Variants in GALNT17 observed in about 807,000 individuals in gnomAD.
GALNT17 encodes the protein UDP-GalNAc:polypeptide N-acetylgalactosaminyltransferase-like 3.
In GALNT17, 29 loss-of-function variants were observed where a neutral mutation model predicts 63.7. The observed-to-expected ratio is 0.46, with a 90% CI of 0.34 to 0.62. The LOEUF is 0.62. Ranked by LOEUF, GALNT17 falls within the 20% of genes least tolerant of loss-of-function variation. The probability of loss-of-function intolerance (pLI) is 0.01; values close to 1 mark genes in which losing one functional copy is unlikely to be tolerated. For missense variants in GALNT17, 603 were observed against 799.6 expected, an observed-to-expected ratio of 0.75 and a Z score of 2.97; for synonymous variants, 305 against 318.3, an observed-to-expected ratio of 0.96 and a Z score of 0.45.
intron 6 of GALNT17, among the ~76,000 whole-genome samples, chr7:71,616,944 TTAA>T (rs1000733389): frequency 3.9e-4 from 2 of 5,128 alleles, no homozygotes; most frequent in Non-Finnish European, 2.8e-3. Flanking sequence ...TATCATATGG[TTAA>T]TAATTAACTA....
chr7:71,304,706 G>A (rs9638618), intron 1 of GALNT17, among the ~76,000 whole-genome samples: 103,226 of 151,986 alleles, frequency 0.68, 35,259 homozygotes, highest in Middle Eastern at 0.74. Context: ...GGTCTGCTAA[G>A]TGAGAACCCA....
intron 10 of GALNT17, among the ~76,000 whole-genome samples, 169 bp from the exon 11 acceptor site, chr7:71,711,849 C>G (rs1390928783): frequency 6.6e-6 from 1 of 151,304 alleles, no homozygotes; most frequent in East Asian, 1.9e-4. Context: ...TCTCTCTCCT[C>G]TTTCTGTCTT....
At chr7:71,616,324 T>C (rs569281278) in intron 6 of GALNT17, among the ~76,000 whole-genome samples, 1 of 152,148 alleles carries the variant, frequency 6.6e-6, no homozygotes, top group Admixed American at 6.6e-5. Context: ...GCTTCTCTTG[T>C]CCTCACTCGC....
chr7:71,398,985 C>G (rs1223286555), intron 3 of GALNT17, among the ~76,000 whole-genome samples: 1 of 151,998 alleles, frequency 6.6e-6, no homozygotes, highest in African/African-American at 2.4e-5. Context: ...GTAATCCCAG[C>G]ACTTTGGGAG....
chr7:71,198,214 A>G (rs1789094348), intron 1 of GALNT17, among the ~76,000 whole-genome samples: 1 of 151,876 alleles, frequency 6.6e-6, no homozygotes. Context: ...AAAAAAAAAA[A>G]AAGGATGCAA....
intron 6 of GALNT17, among the ~76,000 whole-genome samples, chr7:71,608,594 T>A (rs571417976): frequency 6.6e-6 from 1 of 152,266 alleles, no homozygotes; most frequent in East Asian, 1.9e-4. Context: ...TTTCCTCCAC[T>A]GTCTGGCCAG....
At chr7:71,274,778 C>A (rs1790653965) in intron 1 of GALNT17, among the ~76,000 whole-genome samples, 1 of 152,178 alleles carries the variant, frequency 6.6e-6, no homozygotes, top group Non-Finnish European at 1.5e-5. Context: ...CTGTGGATGT[C>A]CAGGTACCCC....
At chr7:71,411,102 T>A (rs879373038) in intron 3 of GALNT17, among the ~76,000 whole-genome samples, 1 of 152,142 alleles carries the variant, frequency 6.6e-6, no homozygotes, top group Admixed American at 6.6e-5. Flanking sequence ...TGATAAAGGA[T>A]CTTAGGTGAA....
intron 2 of GALNT17, among the ~76,000 whole-genome samples, chr7:71,372,226 A>G (rs151255723): frequency 0.044 from 6,707 of 152,196 alleles, 518 homozygotes; most frequent in African/African-American, 0.15. Flanking sequence ...GTGCAGTGGC[A>G]CAATCTTGGC....
chr7:71,142,669 G>A (rs1257761327), intron 1 of GALNT17, among the ~76,000 whole-genome samples: 2 of 152,158 alleles, frequency 1.3e-5, no homozygotes, highest in Admixed American at 6.5e-5. Context: ...GGCTGGGTGC[G>A]GTGGCTCACG....
At chr7:71,280,490 T>C (rs1345460233) in intron 1 of GALNT17, among the ~76,000 whole-genome samples, 2 of 152,144 alleles carry the variant, frequency 1.3e-5, no homozygotes, top group Non-Finnish European at 2.9e-5. Context: ...GATTAGGACA[T>C]TGACCTATGA....
At chr7:71,266,276 C>G (rs1225455653) in intron 1 of GALNT17, among the ~76,000 whole-genome samples, 1 of 152,146 alleles carries the variant, frequency 6.6e-6, no homozygotes, top group Non-Finnish European at 1.5e-5. Flanking sequence ...CAACCCAAAT[C>G]TTATCTCAAA....
chr7:71,421,213 G>A, intron 5 of GALNT17, 108 bp downstream of exon 5: 1 of 1,198,264 alleles, frequency 8.3e-7, no homozygotes. Flanking sequence ...GCAGCTGTGT[G>A]CACACAGCTC....
intron 2 of GALNT17, among the ~76,000 whole-genome samples, chr7:71,356,551 GA>G (rs1317068771): frequency 1.3e-5 from 2 of 152,130 alleles, no homozygotes; most frequent in Admixed American, 6.5e-5. Context: ...GGAAGGGAGA[GA>G]GGGGTGGCAG....
intron 5 of GALNT17, among the ~76,000 whole-genome samples, chr7:71,466,483 G>A (rs776518056): frequency 5.9e-5 from 9 of 152,182 alleles, no homozygotes; most frequent in Non-Finnish European, 1.0e-4. Flanking sequence ...ACCCAAAAAT[G>A]TATTTCTCTG....
In GALNT17 at chr7:71,257,665, G is replaced by T. The variant is rs561378986; in HGVS notation, c.239-77885G>T. Among the ~76,000 whole-genome samples, 375 of 152,282 alleles carry T rather than the reference G, an allele frequency of 2.5e-3. 3 individuals are homozygous for T. The highest frequency in any genetic ancestry group is 8.7e-3 in the African/African-American group (361 of 41,556). ...GTATTCAGTCACTGGTCTCTTCAGGGTCCCTAGGAAATGCCCCCAGTCCCT... is the reference window on the plus strand; with the variant it reads ...GTATTCAGTCACTGGTCTCTTCAGGTTCCCTAGGAAATGCCCCCAGTCCCT... On this transcript the variant is annotated intron_variant, in intron 1 of 10. Coordinates refer to ENST00000333538, the MANE Select transcript of GALNT17 (RefSeq NM_022479.3).
At chr7:71,143,777 C>A (rs533735999) in intron 1 of GALNT17, among the ~76,000 whole-genome samples, 1 of 151,824 alleles carries the variant, frequency 6.6e-6, no homozygotes, top group East Asian at 1.9e-4. Context: ...CGGTGGCTCA[C>A]GCCTGTAATC....
At chr7:71,341,050 C>A (rs1419599295) in intron 2 of GALNT17, among the ~76,000 whole-genome samples, 1 of 152,014 alleles carries the variant, frequency 6.6e-6, no homozygotes, top group Non-Finnish European at 1.5e-5. Flanking sequence ...AAAAATAAAT[C>A]ATAGAATAAA....
chr7:71,706,811 C>G (rs1455725902), intron 9 of GALNT17, among the ~76,000 whole-genome samples: 2 of 152,182 alleles, frequency 1.3e-5, no homozygotes, highest in Non-Finnish European at 2.9e-5. Flanking sequence ...GAAATGAGAA[C>G]CCCATGCAGA....
Sources: gnomAD v4.1 joint callset for allele counts (sites outside exome capture counted in the v4.1 genomes callset) on GRCh38, gnomAD v4.1.1 for gene constraint, MANE v1.5 for transcripts, NCBI Gene and HGNC (gene_info 2026-07-23, HGNC 2026-07-21) for gene names.